The following CTNNA2 variants were observed in gnomAD, a reference collection of about 807,000 sequenced individuals.
CTNNA2 encodes catenin alpha-2.
A neutral mutation model predicts 101.0 loss-of-function variants in CTNNA2; 42 were observed. The observed-to-expected ratio is 0.42, with a 90% CI of 0.32 to 0.54. The LOEUF is 0.54. Among genes scored for constraint, CTNNA2 ranks in the 20% least tolerant of loss-of-function variants. The pLI, the probability that CTNNA2 is intolerant of heterozygous loss-of-function variation, is 0.14. For synonymous variants in CTNNA2, 450 were observed against 456.4 expected (o/e 0.99, Z 0.18); for missense variants, 871 against 1,223.1 (o/e 0.71, Z 4.29).
intron 1 of CTNNA2, among the ~76,000 whole-genome samples, chr2:79,581,953 A>G (rs1457961205): frequency 1.3e-4 from 20 of 152,242 alleles, no homozygotes; most frequent in Non-Finnish European, 2.4e-4. Flanking sequence ...TGAAAAATGT[A>G]TAAGAATGAA....
At chr2:80,444,112 C>A (rs1208865934) in intron 9 of CTNNA2, among the ~76,000 whole-genome samples, 1 of 152,152 alleles carries the variant, frequency 6.6e-6, no homozygotes, top group Non-Finnish European at 1.5e-5. Flanking sequence ...TGTCAGTTTT[C>A]CCTGTGAGAA....
intron 9 of CTNNA2, among the ~76,000 whole-genome samples, chr2:80,470,474 C>T (rs1685210025): frequency 6.6e-6 from 1 of 152,068 alleles, no homozygotes; most frequent in South Asian, 2.1e-4. Flanking sequence ...TGTTCTATGT[C>T]CCAAAAATGT....
chr2:79,577,298 A>G (rs1675860107), intron 1 of CTNNA2, among the ~76,000 whole-genome samples: 1 of 152,084 alleles, frequency 6.6e-6, no homozygotes, highest in Non-Finnish European at 1.5e-5. Context: ...ATTTTTCCAG[A>G]TAAGCATTTT....
rs113996734 is a variant in CTNNA2 at position 80,539,042 on chromosome 2, G to A, written c.1291-5940G>A. ...GATGCATATGTTTGTTTTTTGAGAT[G>A]CAGTTTCACTCTGTTGCCCAGACCA... On this transcript the variant is annotated intron_variant, in intron 9 of 18. Coordinates refer to ENST00000402739, the MANE Select transcript of CTNNA2 (RefSeq NM_001282597.3). Among the ~76,000 whole-genome samples the A allele has an allele frequency of 2.4e-3, 359 of 152,166 alleles. 1 individual carries two copies. The highest frequency in any genetic ancestry group is 8.2e-3 in the African/African-American group (340 of 41,534).
chr2:80,086,394 C>T (rs886558819), intron 7 of CTNNA2, among the ~76,000 whole-genome samples: 1 of 151,900 alleles, frequency 6.6e-6, no homozygotes. Context: ...GTGAAATGCA[C>T]CAAGATAACA....
intron 2 of CTNNA2, among the ~76,000 whole-genome samples, chr2:79,268,467 A>G (rs1327455565): frequency 6.6e-6 from 1 of 152,110 alleles, no homozygotes; most frequent in Non-Finnish European, 1.5e-5. Flanking sequence ...TAAGCCATAC[A>G]ATGTAAAGCA....
At position 79,487,901 on chromosome 2, in the gene CTNNA2, G is replaced by A. The variant is rs75127523; in HGVS notation, c.-134-17153G>A. 0.011 allele frequency among the ~76,000 whole-genome samples: 1,706 copies of A among 152,200 alleles called. 82 individuals carry two copies. In the East Asian group the frequency reaches 0.13, roughly 12 times the overall value. ...TGAATATTAAGTAAATAATAAATTG[G>A]AAATAAGCAAAATTCTTCAGAATGA... On this transcript the variant is annotated intron_variant, in intron 4 of 21. Transcript: ENST00000466387.
intron 3 of CTNNA2, among the ~76,000 whole-genome samples, chr2:79,344,019 T>C (rs1375252473): frequency 1.3e-5 from 2 of 152,112 alleles, no homozygotes; most frequent in Non-Finnish European, 2.9e-5. Flanking sequence ...ATGACCTCCT[T>C]TGTATGTAGG....
At chr2:79,314,780 A>G (rs1036337822) in intron 3 of CTNNA2, among the ~76,000 whole-genome samples, 5 of 152,204 alleles carry the variant, frequency 3.3e-5, no homozygotes, top group African/African-American at 9.6e-5. Context: ...CAGCCTAAAA[A>G]AGAGTTTCAA....
chr2:80,191,272 A>G lies in CTNNA2; in HGVS notation c.1057-201939A>G, dbSNP rs139658277. ...CTTAGGGAAAAAAACAAACTTTGGT[A>G]AGATTTTACTCACACTTCCTATCAG... is the stretch of plus-strand genomic sequence containing the variant. On this transcript the variant is annotated intron_variant, in intron 7 of 18. Coordinates refer to ENST00000402739, the MANE Select transcript of CTNNA2 (RefSeq NM_001282597.3). 2.4e-3 allele frequency among the ~76,000 whole-genome samples: 363 copies of G among 152,352 alleles called. 3 individuals are homozygous for G. Among genetic ancestry groups the G allele is most frequent in the African/African-American group, 8.1e-3 (336 of 41,582 alleles).
intron 7 of CTNNA2, among the ~76,000 whole-genome samples, chr2:80,017,566 T>G (rs765523284): frequency 1.3e-5 from 2 of 151,984 alleles, no homozygotes; most frequent in Non-Finnish European, 2.9e-5. Flanking sequence ...AAAGTACTGA[T>G]GCCTATGTCC....
chr2:80,378,136 C>A (rs1036352796), intron 7 of CTNNA2, among the ~76,000 whole-genome samples: 5 of 152,030 alleles, frequency 3.3e-5, no homozygotes, highest in African/African-American at 1.2e-4. Context: ...GTGGGCGAAT[C>A]ACGAGGTCAG....
At chr2:80,482,073 C>CTTAATTTAAT (rs58932753) in intron 9 of CTNNA2, among the ~76,000 whole-genome samples, 28 of 150,322 alleles carry the variant, frequency 1.9e-4, no homozygotes, top group African/African-American at 5.9e-4. Flanking sequence ...TTCCCAAGGT[C>CTTAATTTAAT]TTAATTTAAT....
At chr2:79,218,346 TGTGTA>T (rs1299825961) in intron 2 of CTNNA2, among the ~76,000 whole-genome samples, 191 of 74,062 alleles carry the variant, frequency 2.6e-3, no homozygotes, top group Non-Finnish European at 4.3e-3. Context: ...TGTGTGTGTG[TGTGTA>T]TTTTTTTTTT....
At chr2:80,596,357 T>G (rs1696978038) in intron 15 of CTNNA2, among the ~76,000 whole-genome samples, 1 of 129,118 alleles carries the variant, frequency 7.7e-6, no homozygotes, top group South Asian at 2.9e-4. Context: ...TTGCCAAGGC[T>G]GGAGTGCAGT....
In CTNNA2 at chr2:79,307,774, T is replaced by C. The variant is rs145138294; in HGVS notation, c.-405-4935T>C. On this transcript the variant is annotated intron_variant, in intron 2 of 21. Transcript: ENST00000466387. ...CTGAAGCATATGGTAGTTCTATTTG[T>C]AGAATTTGAGGAACCTCCATACTGT... Among the ~76,000 whole-genome samples, 617 of 152,324 alleles carry C rather than the reference T, an allele frequency of 4.1e-3. 3 individuals are homozygous for C. Among genetic ancestry groups the C allele is most frequent in the South Asian group, 0.023 (109 of 4,830 alleles).
intron 2 of CTNNA2, among the ~76,000 whole-genome samples, chr2:79,738,104 G>A (rs979199675): frequency 1.3e-5 from 2 of 152,170 alleles, no homozygotes; most frequent in Non-Finnish European, 2.9e-5. Flanking sequence ...TAGGACTTTA[G>A]GTCATGAGCA....
At chr2:79,260,137 G>T (rs1233423669) in intron 2 of CTNNA2, among the ~76,000 whole-genome samples, 1 of 152,084 alleles carries the variant, frequency 6.6e-6, no homozygotes, top group Non-Finnish European at 1.5e-5. Flanking sequence ...TGGCCAGCTT[G>T]CCATGGGTGT....
chr2:80,040,025 C>T (rs1695934939), intron 7 of CTNNA2, among the ~76,000 whole-genome samples: 1 of 152,124 alleles, frequency 6.6e-6, no homozygotes, highest in Non-Finnish European at 1.5e-5. Flanking sequence ...TAAAAATTAT[C>T]TAGATATGGA....
Sources: allele counts gnomAD v4.1 joint callset (sites outside exome capture counted in the v4.1 genomes callset), GRCh38; gene constraint gnomAD v4.1.1; transcripts MANE v1.5; gene names NCBI Gene and HGNC (gene_info 2026-07-23, HGNC 2026-07-21).